The following TMEM163 variants were observed in gnomAD, a reference collection of about 807,000 sequenced individuals.
TMEM163 encodes transmembrane protein 163.
Under a neutral mutation model 29.3 loss-of-function variants are expected in TMEM163, and 17 were observed. The ratio of observed to expected loss-of-function variants is 0.58; its 90% CI spans 0.40 to 0.87. TMEM163 has a LOEUF of 0.87. Among genes scored for constraint, TMEM163 ranks in the 40% least tolerant of loss-of-function variants. The pLI is 0.00. For synonymous variants in TMEM163, 157 were observed against 160.6 expected, an observed-to-expected ratio of 0.98 and a Z score of 0.17; for missense variants, 303 against 381.5, an observed-to-expected ratio of 0.79 and a Z score of 1.71.
At chr2:134,535,942 C>T (rs1473439987) in intron 4 of TMEM163, among the ~76,000 whole-genome samples, 1 of 152,116 alleles carries the variant, frequency 6.6e-6, no homozygotes. Context: ...AGGCTGATCT[C>T]GAACTCTTGA....
intron 2 of TMEM163, among the ~76,000 whole-genome samples, chr2:134,705,432 A>G (rs1187775650): frequency 1.3e-5 from 2 of 152,142 alleles, no homozygotes; most frequent in Non-Finnish European, 2.9e-5. Flanking sequence ...ACGGCGATCT[A>G]TGAGCCAAGG....
intron 6 of TMEM163, among the ~76,000 whole-genome samples, chr2:134,463,072 C>T (rs745770595): frequency 6.6e-6 from 1 of 152,250 alleles, no homozygotes; most frequent in Non-Finnish European, 1.5e-5. Flanking sequence ...CAGACCCACA[C>T]TGCCTACCCC....
At chr2:134,532,945 C>A (rs1474894912) in intron 4 of TMEM163, among the ~76,000 whole-genome samples, 1 of 152,198 alleles carries the variant, frequency 6.6e-6, no homozygotes, top group African/African-American at 2.4e-5. Context: ...ATAATGCACA[C>A]CCTTACCAAC....
intron 6 of TMEM163, chr2:134,459,402 A>G (rs1686478503): frequency 1.1e-5 from 1 of 93,942 alleles, no homozygotes. Flanking sequence ...TCCCCACACC[A>G]CATCCACCAC....
At chr2:134,553,940 G>A (rs1467768143) in intron 2 of TMEM163, among the ~76,000 whole-genome samples, 3 of 152,214 alleles carry the variant, frequency 2.0e-5, no homozygotes, top group Non-Finnish European at 4.4e-5. Flanking sequence ...CTCACAGCAC[G>A]TGCTCCATAA....
rs181183617 is a variant in TMEM163, at chr2:134,481,958, C to T, written c.556-15733G>A. Among the ~76,000 whole-genome samples the T allele has an allele frequency of 5.9e-5, 9 of 152,310 alleles. No individual in the cohort carries two copies. The East Asian group carries it at 1.7e-3, about 29-fold the overall frequency. ...ACGTGCTCAGCAGGAATGAACCCCA[C>T]CATCTCTCCCCATCACTCCCACCTG... On this transcript the variant is annotated intron_variant, in intron 5 of 7. Coordinates refer to ENST00000281924, the MANE Select transcript of TMEM163 (RefSeq NM_030923.5).
chr2:134,676,894 C>A (rs1684127068), intron 2 of TMEM163, among the ~76,000 whole-genome samples: 1 of 152,004 alleles, frequency 6.6e-6, no homozygotes, highest in Non-Finnish European at 1.5e-5. Context: ...AAATTAACTA[C>A]CCTCATGATT....
intron 2 of TMEM163, among the ~76,000 whole-genome samples, chr2:134,631,400 C>T (rs1682966259): frequency 6.6e-6 from 1 of 152,104 alleles, no homozygotes; most frequent in African/African-American, 2.4e-5. Context: ...TGCTGGGGGG[C>T]CTTCCTGTGC....
intron 5 of TMEM163, among the ~76,000 whole-genome samples, chr2:134,489,106 G>A (rs12478606): frequency 0.12 from 17,481 of 151,992 alleles, 1,250 homozygotes; most frequent in South Asian, 0.2. Flanking sequence ...ATCCTCACAC[G>A]GTACATACTA....
chr2:134,474,885 A>G (rs1440284393), intron 5 of TMEM163, among the ~76,000 whole-genome samples: 2 of 152,184 alleles, frequency 1.3e-5, no homozygotes, highest in African/African-American at 4.8e-5. Flanking sequence ...ACTGTGTTCA[A>G]TTATTATTAA....
chr2:134,565,890 A>T (rs1189581014), intron 2 of TMEM163, among the ~76,000 whole-genome samples: 1 of 152,188 alleles, frequency 6.6e-6, no homozygotes, highest in Admixed American at 6.5e-5. Context: ...TCAAAAATAG[A>T]CAAAGCAAAT....
intron 5 of TMEM163, among the ~76,000 whole-genome samples, chr2:134,482,590 C>A (rs975723722): frequency 2.6e-5 from 4 of 152,094 alleles, no homozygotes; most frequent in African/African-American, 9.7e-5. Flanking sequence ...TGATTTATGG[C>A]CCCAGGTGAA....
chr2:134,561,546 T>A lies in TMEM163; in HGVS notation c.323-9455A>T, dbSNP rs1681184461. On this transcript the variant is annotated intron_variant, in intron 2 of 7. Transcript: ENST00000281924. ...TGTATTTTTTAGTGGAGACAGGGTT[T>A]CACCGTGTTAGCCAGGATGGTCTCG... Among the ~76,000 whole-genome samples the A allele has an allele frequency of 5.3e-5, 8 of 152,326 alleles. 1 individual carries two copies. In the South Asian group the frequency reaches 1.5e-3, roughly 28 times the overall value.
At chr2:134,523,010 A>G (rs147124021) in intron 4 of TMEM163, among the ~76,000 whole-genome samples, 1 of 152,350 alleles carries the variant, frequency 6.6e-6, no homozygotes, top group Non-Finnish European at 1.5e-5. Flanking sequence ...CAGCACTTAT[A>G]TAATGAGGTG....
intron 2 of TMEM163, among the ~76,000 whole-genome samples, chr2:134,566,399 T>TA (rs1413899270): frequency 6.6e-6 from 1 of 152,046 alleles, no homozygotes; most frequent in Non-Finnish European, 1.5e-5. Flanking sequence ...CCGTCTCTAC[T>TA]AAAAAACACG....
chr2:134,474,199 T>G (rs1686866414), intron 5 of TMEM163, among the ~76,000 whole-genome samples: 2 of 152,190 alleles, frequency 1.3e-5, no homozygotes, highest in Non-Finnish European at 2.9e-5. Context: ...CAATATTGAT[T>G]AAACATTCAA....
chr2:134,601,732 A>G (rs114920845), intron 2 of TMEM163, among the ~76,000 whole-genome samples: 2,381 of 152,330 alleles, frequency 0.016, 54 homozygotes, highest in African/African-American at 0.054. Context: ...AAAGAACGCC[A>G]CCCTGGGAAC....
At chr2:134,501,127 A>T in intron 5 of TMEM163, among the ~76,000 whole-genome samples, 1 of 152,194 alleles carries the variant, frequency 6.6e-6, no homozygotes, top group Non-Finnish European at 1.5e-5. Context: ...CATTATTGTC[A>T]ATTTAAAAAA....
chr2:134,579,870 C>T, intron 2 of TMEM163, among the ~76,000 whole-genome samples: 1 of 152,186 alleles, frequency 6.6e-6, no homozygotes, highest in Non-Finnish European at 1.5e-5. Context: ...GTGCTGAAAA[C>T]TTGGCCCCCG....
Sources: allele counts gnomAD v4.1 joint callset (sites outside exome capture counted in the v4.1 genomes callset), GRCh38; gene constraint gnomAD v4.1.1; transcripts MANE v1.5; gene names NCBI Gene and HGNC (gene_info 2026-07-23, HGNC 2026-07-21).